Variants in ATG10 observed in about 807,000 individuals in gnomAD.
The protein encoded by ATG10 is ubiquitin-like-conjugating enzyme ATG10.
In ATG10, 30 loss-of-function variants were observed where a neutral mutation model predicts 32.1. That is an observed-to-expected ratio of 0.94 (90% CI 0.70 to 1.27). The LOEUF (loss-of-function observed/expected upper bound fraction) is 1.27, where lower values mean the gene tolerates loss of function less well. Ranked by LOEUF, ATG10 falls within the 50% of genes most tolerant of loss-of-function variation. The probability of loss-of-function intolerance (pLI) is 0.00; values close to 1 mark genes in which losing one functional copy is unlikely to be tolerated. For synonymous variants in ATG10, 87 were observed against 91.5 expected (o/e 0.95, Z 0.28); for missense variants, 233 against 262.3 (o/e 0.89, Z 0.77).
At chr5:82,117,846 A>G (rs1014934814) in intron 3 of ATG10, among the ~76,000 whole-genome samples, 1 of 152,152 alleles carries the variant, frequency 6.6e-6, no homozygotes, top group Non-Finnish European at 1.5e-5. Context: ...TGTGATAACC[A>G]TGAAAATATG....
intron 3 of ATG10, among the ~76,000 whole-genome samples, chr5:82,080,359 T>G (rs945712599): frequency 6.6e-6 from 1 of 152,234 alleles, no homozygotes; most frequent in Non-Finnish European, 1.5e-5. Context: ...AGAAGCTCTT[T>G]AGTTGAATTA....
At position 82,066,563 on chromosome 5, in the gene ATG10, A is replaced by G. The variant is rs1581654178; in HGVS notation, c.216+7961A>G. Among the ~76,000 whole-genome samples the G allele has an allele frequency of 1.3e-5, 2 of 152,184 alleles. 1 individual carries two copies. The highest frequency in any genetic ancestry group is 1.3e-4 in the Admixed American group (2 of 15,276). The stretch of plus-strand genomic sequence containing the variant: ...ACTGGGATTTTCCTTAGACCAGGGC[A>G]GGTAGAATATTATAGAAAGTGAGGC... On this transcript the variant is annotated intron_variant, in intron 3 of 7. Coordinates refer to ENST00000282185, the MANE Select transcript of ATG10 (RefSeq NM_031482.5).
chr5:82,022,896 A>C (rs1361580391), intron 2 of ATG10, among the ~76,000 whole-genome samples: 1 of 151,916 alleles, frequency 6.6e-6, no homozygotes, highest in Non-Finnish European at 1.5e-5. Flanking sequence ...CCTATAGTTT[A>C]ATATTTGAAT....
At chr5:82,229,977 C>T (rs1746290146) in intron 5 of ATG10, among the ~76,000 whole-genome samples, 1 of 152,064 alleles carries the variant, frequency 6.6e-6, no homozygotes, top group Non-Finnish European at 1.5e-5. Flanking sequence ...GTTACTGATC[C>T]CTGCACTGGT....
At chr5:82,011,232 C>T (rs945085880) in intron 2 of ATG10, among the ~76,000 whole-genome samples, 7 of 152,124 alleles carry the variant, frequency 4.6e-5, no homozygotes, top group African/African-American at 1.7e-4. Flanking sequence ...CACCAACCTC[C>T]GACTCAGGCC....
chr5:82,011,378 C>G (rs1408148633), intron 2 of ATG10, among the ~76,000 whole-genome samples: 1 of 152,136 alleles, frequency 6.6e-6, no homozygotes, highest in Non-Finnish European at 1.5e-5. Context: ...TCTTTTTGTT[C>G]AGGCTATCAT....
rs1178209482 is a variant in ATG10, at chr5:82,124,874, C to T, written c.217-39525C>T. ...CCTTGAGGAATTGCCACACTGTCTT[C>T]CACAATGCTTTAATAATTTACTCTC... On this transcript the variant is annotated intron_variant, in intron 3 of 7. Transcript: ENST00000282185. Among the ~76,000 whole-genome samples the T allele has an allele frequency of 2.0e-5, 3 of 152,132 alleles. No homozygotes were observed. In the East Asian group the frequency reaches 5.8e-4, roughly 29 times the overall value.
chr5:82,166,570 ATG>A (rs1743590146), intron 4 of ATG10, among the ~76,000 whole-genome samples: 2 of 152,060 alleles, frequency 1.3e-5, no homozygotes, highest in African/African-American at 4.8e-5. Context: ...TATTTTTAAA[ATG>A]TATCAACCTT....
chr5:82,138,834 G>A (rs1328451531), intron 3 of ATG10, among the ~76,000 whole-genome samples: 1 of 107,192 alleles, frequency 9.3e-6, no homozygotes, highest in African/African-American at 3.6e-5. Flanking sequence ...ATTGAAAGTC[G>A]AGCTCTCCCT....
intron 5 of ATG10, among the ~76,000 whole-genome samples, chr5:82,230,728 G>A (rs1162224031): frequency 3.1e-4 from 26 of 85,158 alleles, no homozygotes; most frequent in South Asian, 7.7e-4. Context: ...GTGAGACTCC[G>A]TCTCAAAAAA....
intron 2 of ATG10, among the ~76,000 whole-genome samples, chr5:82,042,231 C>T (rs1166892709): frequency 1.3e-5 from 2 of 152,140 alleles, no homozygotes; most frequent in African/African-American, 2.4e-5. Context: ...TGCACATCTT[C>T]ACAATAGTGC....
intron 5 of ATG10, among the ~76,000 whole-genome samples, chr5:82,230,228 T>C (rs1015118991): frequency 6.6e-6 from 1 of 152,188 alleles, no homozygotes; most frequent in Admixed American, 6.5e-5. Flanking sequence ...AGTTCTCACA[T>C]TAAGACAGGG....
At position 81,983,749 on chromosome 5, in the gene ATG10, G is replaced by C. The variant is rs12405118; in HGVS notation, c.-12-3810G>C. 4.8e-4 allele frequency among the ~76,000 whole-genome samples: 73 copies of C among 150,564 alleles called. 2 individuals are homozygous for C. Among genetic ancestry groups the C allele is most frequent in the African/African-American group, 1.6e-3 (66 of 40,160 alleles). On this transcript the variant is annotated intron_variant, in intron 1 of 7. Transcript: ENST00000282185. ...TAGGGGCTTCTCACTTCTCAGACAG[G>C]GCGGCTGCTGGGCGGAGGGTCTCCT...
intron 3 of ATG10, among the ~76,000 whole-genome samples, chr5:82,131,501 T>C (rs1365089041): frequency 6.6e-6 from 1 of 152,150 alleles, no homozygotes; most frequent in Non-Finnish European, 1.5e-5. Flanking sequence ...GAGTTATTCC[T>C]GGTCAGTCTA....
chr5:82,139,541 C>T (rs1251941635), intron 3 of ATG10, among the ~76,000 whole-genome samples: 1 of 148,630 alleles, frequency 6.7e-6, no homozygotes, highest in Admixed American at 6.6e-5. Flanking sequence ...GAGACCCCGT[C>T]TGGGAGGTGA....
chr5:82,079,105 C>G (rs1015276332), intron 3 of ATG10, among the ~76,000 whole-genome samples: 6 of 152,202 alleles, frequency 3.9e-5, no homozygotes, highest in African/African-American at 1.4e-4. Context: ...TAGTTTCATT[C>G]AGATTCTTCA....
intron 5 of ATG10, among the ~76,000 whole-genome samples, chr5:82,205,924 G>C (rs1404412562): frequency 6.6e-6 from 1 of 152,168 alleles, no homozygotes; most frequent in Non-Finnish European, 1.5e-5. Flanking sequence ...TGGTTGGTGT[G>C]ACAAAGAATA....
At chr5:82,222,344 T>G (rs527738076) in intron 5 of ATG10, among the ~76,000 whole-genome samples, 172 of 152,346 alleles carry the variant, frequency 1.1e-3, no homozygotes, top group Non-Finnish European at 1.8e-3. Flanking sequence ...TTCTATGCCT[T>G]AATTTCCTCA....
At position 82,168,562 on chromosome 5, in the gene ATG10, G is replaced by A. The variant is rs969691330; in HGVS notation, c.355+4025G>A. Among the ~76,000 whole-genome samples, 5 of 152,160 alleles carry A rather than the reference G, an allele frequency of 3.3e-5. No individual in the cohort carries two copies. The East Asian group carries it at 5.8e-4, about 18-fold the overall frequency. On this transcript the variant is annotated intron_variant, in intron 4 of 7. Transcript: ENST00000282185. ...TTTTCCTCCATTCAGCAAAGGAATG[G>A]CTGTCCTTTATGGAGACCATTCTAT...
Sources: allele counts gnomAD v4.1 joint callset (sites outside exome capture counted in the v4.1 genomes callset), GRCh38; gene constraint gnomAD v4.1.1; transcripts MANE v1.5; gene names NCBI Gene and HGNC (gene_info 2026-07-23, HGNC 2026-07-21).